The following C12orf42 variants were observed in gnomAD, a reference collection of about 807,000 sequenced individuals.
C12orf42 encodes the protein uncharacterized protein C12orf42.
A neutral mutation model predicts 21.6 loss-of-function variants in C12orf42; 25 were observed. That is an observed-to-expected ratio of 1.16 (90% CI 0.84 to 1.62). The LOEUF (loss-of-function observed/expected upper bound fraction) is 1.62, where lower values mean the gene tolerates loss of function less well. Ranked by LOEUF, C12orf42 falls within the 40% of genes most tolerant of loss-of-function variation. The pLI, the probability that C12orf42 is intolerant of heterozygous loss-of-function variation, is 0.00. For synonymous variants in C12orf42, 174 were observed against 175.0 expected, an observed-to-expected ratio of 0.99 and a Z score of 0.05; for missense variants, 483 against 459.3, an observed-to-expected ratio of 1.05 and a Z score of -0.47.
the C12orf42 span, among the ~76,000 whole-genome samples, chr12:103,181,684 C>T: frequency 2.0e-5 from 3 of 152,196 alleles, no homozygotes; most frequent in African/African-American, 4.8e-5. Flanking sequence ...TCTTCATTCA[C>T]GCAACAAATT....
chr12:103,528,956 G>A, the C12orf42 span, among the ~76,000 whole-genome samples: 3 of 152,138 alleles, frequency 2.0e-5, no homozygotes, highest in South Asian at 2.1e-4. Context: ...TCACAGAGGC[G>A]GTGAGTGGTA....
At chr12:103,505,683 C>T in the C12orf42 span, 1 of 231,030 alleles carries the variant, frequency 4.3e-6, no homozygotes, top group Non-Finnish European at 8.4e-6. Flanking sequence ...ATGCAGGGCT[C>T]AAGGCTGTAG....
At chr12:103,068,931 C>CTCT in the C12orf42 span, among the ~76,000 whole-genome samples, 10 of 47,052 alleles carry the variant, frequency 2.1e-4, no homozygotes, top group Non-Finnish European at 4.2e-4. Context: ...ATCTCTCTCT[C>CTCT]CACATATATA....
chr12:103,151,152 C>T, the C12orf42 span, among the ~76,000 whole-genome samples: 1 of 152,134 alleles, frequency 6.6e-6, no homozygotes, highest in Non-Finnish European at 1.5e-5. Context: ...TGGTCTCGAA[C>T]TCCTGACCTC....
upstream of C12orf42, among the ~76,000 whole-genome samples, chr12:103,496,203 C>A (rs999188536): frequency 6.6e-6 from 1 of 152,138 alleles, no homozygotes; most frequent in African/African-American, 2.4e-5. Context: ...AGGGGGATCC[C>A]GATGTTTATC....
chr12:103,256,093 T>C (rs1357598442), intron 10 of C12orf42, among the ~76,000 whole-genome samples: 2 of 48,838 alleles, frequency 4.1e-5, no homozygotes, highest in African/African-American at 1.7e-4. Context: ...AAAATATATA[T>C]ATATATATAT....
At chr12:103,209,102 T>A in the C12orf42 span, among the ~76,000 whole-genome samples, 1 of 152,082 alleles carries the variant, frequency 6.6e-6, no homozygotes, top group African/African-American at 2.4e-5. Context: ...TTAATGCAAC[T>A]CCAATGTGGT....
At chr12:103,102,493 A>T in the C12orf42 span, among the ~76,000 whole-genome samples, 1 of 152,190 alleles carries the variant, frequency 6.6e-6, no homozygotes. Context: ...CAAGGGAGAG[A>T]ATGCAGTCAT....
At chr12:103,265,799 CTGTTTTGTTTTGTTT>C (rs3063704), downstream of C12orf42, among the ~76,000 whole-genome samples, 28 of 150,288 alleles carry the variant, frequency 1.9e-4, no homozygotes, top group South Asian at 6.4e-4. Context: ...ATTTCTTAGG[CTGTTTTGTTTTGTTT>C]TGTTTTGTTT....
the C12orf42 span, among the ~76,000 whole-genome samples, chr12:103,169,256 T>G: frequency 1.9e-4 from 29 of 152,200 alleles, no homozygotes; most frequent in African/African-American, 6.5e-4. Context: ...ATGGAATACC[T>G]GGTCCAACCA....
At chr12:103,267,050 G>A (rs2035204243), downstream of C12orf42, among the ~76,000 whole-genome samples, 1 of 152,090 alleles carries the variant, frequency 6.6e-6, no homozygotes. Flanking sequence ...GAAGCAGTGG[G>A]CACCTATTTT....
intron 2 of C12orf42, among the ~76,000 whole-genome samples, chr12:103,475,282 C>T (rs1953960022): frequency 1.3e-5 from 2 of 152,230 alleles, no homozygotes; most frequent in South Asian, 2.1e-4. Context: ...CACAGTTGTG[C>T]TCTGCTATTT....
intron 2 of C12orf42, among the ~76,000 whole-genome samples, chr12:103,422,388 A>G (rs917805039): frequency 6.6e-6 from 1 of 152,224 alleles, no homozygotes; most frequent in African/African-American, 2.4e-5. Context: ...ATTCTTTTTC[A>G]CAAGGTAACG....
At chr12:103,465,890 G>A (rs941262502) in intron 2 of C12orf42, among the ~76,000 whole-genome samples, 2 of 152,190 alleles carry the variant, frequency 1.3e-5, no homozygotes, top group African/African-American at 4.8e-5. Context: ...TTTAGGTAAT[G>A]AATTATGTAT....
the C12orf42 span, among the ~76,000 whole-genome samples, chr12:103,069,150 C>T: frequency 2.0e-5 from 3 of 151,004 alleles, no homozygotes; most frequent in African/African-American, 4.9e-5. Flanking sequence ...TCAATCTGCT[C>T]TTAACCCATC....
chr12:103,138,256 A>G, the C12orf42 span, among the ~76,000 whole-genome samples: 1 of 152,130 alleles, frequency 6.6e-6, no homozygotes, highest in Non-Finnish European at 1.5e-5. Flanking sequence ...CCCAAATCTC[A>G]TGTTGAAGTG....
chr12:103,096,817 A>C, the C12orf42 span, among the ~76,000 whole-genome samples: 1 of 152,152 alleles, frequency 6.6e-6, no homozygotes, highest in African/African-American at 2.4e-5. Context: ...GAGACCTGGC[A>C]CAGTTTAGTG....
chr12:103,545,790 T>C, the C12orf42 span, among the ~76,000 whole-genome samples: 2 of 152,304 alleles, frequency 1.3e-5, no homozygotes, highest in South Asian at 4.1e-4. Context: ...TTCTGCTGCA[T>C]CATTCTATAT....
At position 103,464,041 on chromosome 12, in the gene C12orf42, G is replaced by T. The variant is rs1447362914; in HGVS notation, c.78+14308C>A. 2.0e-5 allele frequency among the ~76,000 whole-genome samples: 3 copies of T among 152,144 alleles called. No homozygotes were observed. In the East Asian group the frequency reaches 5.8e-4, roughly 29 times the overall value. On this transcript the variant is annotated intron_variant, in intron 2 of 5. Coordinates refer to ENST00000548883, the MANE Select transcript of C12orf42 (RefSeq NM_198521.5). ...ATAGCGCTGTAATGAACACACACAT[G>T]CATGTGTTTTTGTAATAGAATTATT... is the stretch of plus-strand genomic sequence containing the variant.
Sources: gnomAD v4.1 joint callset for allele counts (sites outside exome capture counted in the v4.1 genomes callset) on GRCh38, gnomAD v4.1.1 for gene constraint, MANE v1.5 for transcripts, NCBI Gene and HGNC (gene_info 2026-07-23, HGNC 2026-07-21) for gene names.